ZNF559: variants seen among roughly 807,000 people sequenced by gnomAD.
ZNF559 encodes putative protein product of Nbla00121.
A neutral mutation model predicts 14.2 loss-of-function variants in ZNF559; 17 were observed. The ratio of observed to expected loss-of-function variants is 1.20; its 90% CI spans 0.82 to 1.80. ZNF559 has a LOEUF of 1.80. Ranked by LOEUF, ZNF559 falls within the 40% of genes most tolerant of loss-of-function variation. ZNF559 has a pLI of 0.00. For synonymous variants in ZNF559, 244 were observed against 212.4 expected, an observed-to-expected ratio of 1.15 and a Z score of -1.29; for missense variants, 740 against 629.7, an observed-to-expected ratio of 1.18 and a Z score of -1.88.
intron 2 of ZNF559, among the ~76,000 whole-genome samples, chr19:9,335,948 A>G (rs899413109): frequency 1.3e-5 from 2 of 152,264 alleles, no homozygotes; most frequent in Non-Finnish European, 2.9e-5. Context: ...AGAAGGGTTC[A>G]GGGGGCTCTG....
chr19:9,341,621 C>A, intron 6 of ZNF559, 74 bp from the exon 7 acceptor site: 2 of 1,600,480 alleles, frequency 1.2e-6, no homozygotes, highest in South Asian at 2.2e-5. Context: ...TAACAGAATT[C>A]AGAGTAAAAG....
chr19:9,343,931 C>A lies in ZNF559; in HGVS notation c.*863C>A. On this transcript the variant is annotated 3_prime_UTR_variant, in exon 7 of 7. Coordinates refer to ENST00000603380, the MANE Select transcript of ZNF559 (RefSeq NM_032497.3). ...CCACTCTTTCCCCCATTTGTCACTA[C>A]TACACTTCCCTAGTCTTTAAAACAA... is the stretch of plus-strand genomic sequence containing the variant. The A allele has an allele frequency of 4.0e-6, 2 of 501,350 alleles. No homozygotes were observed. Among genetic ancestry groups the A allele is most frequent in the Non-Finnish European group, 2.6e-6 (1 of 388,114 alleles). The allele number at this position is 501,350 out of a possible 1,614,324, so 31.1% of individuals were successfully genotyped here. A position where few individuals can be genotyped will look rare whatever the true frequency, so the allele number is the denominator to read the frequency against.
chr19:9,333,848 C>T (rs574934815), intron 2 of ZNF559, among the ~76,000 whole-genome samples: 1 of 151,928 alleles, frequency 6.6e-6, no homozygotes, highest in Non-Finnish European at 1.5e-5. Flanking sequence ...GAGGCTTGAG[C>T]AGGCTCTTCG....
chr19:9,339,934 ATTTTT>A (rs545536064), intron 5 of ZNF559, among the ~76,000 whole-genome samples: 81 of 86,414 alleles, frequency 9.4e-4, no homozygotes, highest in African/African-American at 3.5e-3. Flanking sequence ...ACGCCTGGCT[ATTTTT>A]TTTTTTTTTT....
chr19:9,343,737 T>G lies in ZNF559; in HGVS notation c.*669T>G. The G allele has an allele frequency of 1.0e-6, 1 of 986,040 alleles. No homozygotes were observed. The highest frequency in any genetic ancestry group is 4.7e-5 in the South Asian group (1 of 21,314). The allele number at this position is 986,040 out of a possible 1,614,324, so 61.1% of individuals were successfully genotyped here. On this transcript the variant is annotated 3_prime_UTR_variant, in exon 7 of 7. Transcript: ENST00000603380. The stretch of plus-strand genomic sequence containing the variant: ...GAAGGTCAAAAAGGCTGTATTAATT[T>G]ACATGCAAAAAGTCACACTAGAGGA...
At chr19:9,331,831 CA>C (rs1294941786) in intron 2 of ZNF559, among the ~76,000 whole-genome samples, 1 of 152,146 alleles carries the variant, frequency 6.6e-6, no homozygotes, top group Non-Finnish European at 1.5e-5. Context: ...ATTTTACTGA[CA>C]TTTTTTATGA....
intron 2 of ZNF559, 68 bp from the exon 3 acceptor site, chr19:9,337,728 G>GTTA: frequency 1.7e-6 from 2 of 1,185,708 alleles, no homozygotes; most frequent in Admixed American, 3.2e-5. Flanking sequence ...AACGGGATTT[G>GTTA]TTATTATTTA....
chr19:9,343,505 T>G lies in ZNF559; in HGVS notation c.*437T>G, dbSNP rs1034171523. 24 of 1,008,446 alleles carry G rather than the reference T, an allele frequency of 2.4e-5. 1 individual carries two copies. The highest frequency in any genetic ancestry group is 1.9e-4 in the East Asian group (2 of 10,710). 62.5% of individuals were successfully genotyped at this position (1,008,446 alleles called of 1,614,324 possible). ...ATGTGTTGAAACCTTTCACTCTGCC[T>G]TATACCTTAATATTCAGCTGTGATC... On this transcript the variant is annotated 3_prime_UTR_variant, in exon 7 of 7. Coordinates refer to ENST00000603380, the MANE Select transcript of ZNF559 (RefSeq NM_032497.3).
chr19:9,327,543 C>T (rs992597464), intron 2 of ZNF559, among the ~76,000 whole-genome samples: 11 of 152,206 alleles, frequency 7.2e-5, no homozygotes, highest in African/African-American at 1.4e-4. Context: ...GCTACCGCGC[C>T]TGGCCTCACC....
chr19:9,331,006 G>A (rs2066909334), intron 2 of ZNF559, among the ~76,000 whole-genome samples: 1 of 152,190 alleles, frequency 6.6e-6, no homozygotes, highest in African/African-American at 2.4e-5. Flanking sequence ...GACCCCTACA[G>A]AAGTATACCA....
At chr19:9,335,956 C>A (rs1403404600) in intron 2 of ZNF559, among the ~76,000 whole-genome samples, 1 of 152,228 alleles carries the variant, frequency 6.6e-6, no homozygotes, top group Non-Finnish European at 1.5e-5. Context: ...TCAGGGGGCT[C>A]TGCTGTAGCA....
At chr19:9,327,261 T>C (rs537597199) in intron 2 of ZNF559, among the ~76,000 whole-genome samples, 2 of 128,282 alleles carry the variant, frequency 1.6e-5, no homozygotes, top group African/African-American at 5.8e-5. Context: ...GTTTTTGTTT[T>C]TGTTTTGACG....
chr19:9,338,057 C>T (rs1217537337), intron 3 of ZNF559, 199 bp downstream of exon 3: 1 of 1,510,710 alleles, frequency 6.6e-7, no homozygotes, highest in Non-Finnish European at 8.9e-7. Context: ...GCTGCTTTAA[C>T]CAGTCTGTGA....
At chr19:9,332,463 T>G (rs2145122839) in intron 2 of ZNF559, among the ~76,000 whole-genome samples, 1 of 152,132 alleles carries the variant, frequency 6.6e-6, no homozygotes, top group East Asian at 1.9e-4. Context: ...CAGAGTACCT[T>G]AAATGGATTT....
intron 2 of ZNF559, chr19:9,329,996 T>G (rs1316292133): frequency 6.6e-6 from 1 of 152,226 alleles, no homozygotes; most frequent in Non-Finnish European, 1.5e-5. Flanking sequence ...ATTCTGTGTC[T>G]TTTCATTGGG....
chr19:9,339,125 C>T, intron 4 of ZNF559, 68 bp from the exon 5 acceptor site: 4 of 1,605,042 alleles, frequency 2.5e-6, no homozygotes, highest in Non-Finnish European at 3.4e-6. Flanking sequence ...AAGACAAGGT[C>T]CCTCATTCTC....
chr19:9,323,996 C>T, upstream of ZNF559: 1 of 639,038 alleles, frequency 1.6e-6, no homozygotes, highest in Non-Finnish European at 2.7e-6. Flanking sequence ...ACGCCAGTAA[C>T]CTGGACAGCT....
At chr19:9,333,791 C>T (rs1010110214) in intron 2 of ZNF559, among the ~76,000 whole-genome samples, 6 of 147,348 alleles carry the variant, frequency 4.1e-5, no homozygotes, top group African/African-American at 1.3e-4. Flanking sequence ...ATTAAGAACT[C>T]TTACACGTTA....
Position 9,342,631 on chromosome 19 carries a change from T to A in ZNF559, c.1180T>A (p.Ser394Thr), listed in dbSNP as rs1568369366. 6.2e-7 allele frequency: 1 copy of A among 1,614,094 alleles called. No individual in the cohort carries two copies. The highest frequency in any genetic ancestry group is 1.3e-5 in the African/African-American group (1 of 75,030). The change falls in exon 7 of 7, where the codon TCT becomes ACT. Residue 394 changes from serine to threonine, a missense_variant. Ser to Thr is a moderately conservative substitution (Grantham distance 58). Transcript: ENST00000603380. ...ATGTGGAAAAGCCTTTATTAATTCC[T>A]CTTCCTTTAAAAGTCACATGCAGAC... ...KECGKAFINS[S>T]SFKSHMQTHP...
Sources: gnomAD v4.1 joint callset for allele counts (sites outside exome capture counted in the v4.1 genomes callset) on GRCh38, gnomAD v4.1.1 for gene constraint, MANE v1.5 for transcripts, NCBI Gene and HGNC (gene_info 2026-07-23, HGNC 2026-07-21) for gene names.